Variants in CCDC191 observed in about 807,000 individuals in gnomAD.
CCDC191 encodes the protein coiled-coil domain containing 191.
Under a neutral mutation model 114.0 loss-of-function variants are expected in CCDC191, and 99 were observed. The ratio of observed to expected loss-of-function variants is 0.87; its 90% confidence interval spans 0.74 to 1.03. The LOEUF is 1.03. Among genes scored for constraint, CCDC191 ranks in the 50% least tolerant of loss-of-function variants. The pLI is 0.00. For missense variants in CCDC191, 973 were observed against 1,087.0 expected, an observed-to-expected ratio of 0.90 and a Z score of 1.47; for synonymous variants, 351 against 376.0, an observed-to-expected ratio of 0.93 and a Z score of 0.77.
chr3:114,055,831 A>G (rs1049079996), intron 1 of CCDC191, among the ~76,000 whole-genome samples: 1 of 152,190 alleles, frequency 6.6e-6, no homozygotes, highest in African/African-American at 2.4e-5. Context: ...GAGAGAATCT[A>G]TTTTTTGAAA....
intron 8 of CCDC191, 39 bp downstream of exon 8, chr3:114,018,632 TATCCTAG>T: frequency 6.9e-7 from 1 of 1,448,684 alleles, no homozygotes; most frequent in Non-Finnish European, 9.4e-7. Flanking sequence ...AGGAGGGAAA[TATCCTAG>T]ATAAACATAC....
At chr3:114,054,513 T>TG (rs1436211234) in intron 1 of CCDC191, among the ~76,000 whole-genome samples, 3 of 151,666 alleles carry the variant, frequency 2.0e-5, no homozygotes, top group African/African-American at 7.3e-5. Context: ...GGCGGGTGCC[T>TG]GTAGTCCCAG....
chr3:114,009,234 C>T (rs1339821100), intron 9 of CCDC191, among the ~76,000 whole-genome samples: 2 of 152,120 alleles, frequency 1.3e-5, no homozygotes, highest in Non-Finnish European at 2.9e-5. Flanking sequence ...TTAGGCCACA[C>T]TAAATTTATT....
intron 7 of CCDC191, among the ~76,000 whole-genome samples, chr3:114,022,120 A>C (rs2076252563): frequency 6.6e-6 from 1 of 152,150 alleles, no homozygotes; most frequent in Non-Finnish European, 1.5e-5. Context: ...TTAAAGTGAA[A>C]TGGTGTCCTC....
At chr3:114,020,227 T>G (rs2076224061) in intron 7 of CCDC191, among the ~76,000 whole-genome samples, 3 of 152,294 alleles carry the variant, frequency 2.0e-5, no homozygotes, top group Admixed American at 2.0e-4. Context: ...ACAAAATTGT[T>G]TGATATGACC....
intron 13 of CCDC191, among the ~76,000 whole-genome samples, chr3:113,983,698 G>A (rs573119262): frequency 5.3e-5 from 8 of 152,170 alleles, no homozygotes; most frequent in East Asian, 1.9e-4. Flanking sequence ...TAACATCTAC[G>A]TAAGTAAATG....
chr3:114,003,463 T>C (rs2075891749), intron 11 of CCDC191: 11 of 985,428 alleles, frequency 1.1e-5, no homozygotes, highest in Non-Finnish European at 1.3e-5. Context: ...AAATTGTCTC[T>C]AAGAAGGCAG....
Position 113,964,342 on chromosome 3 carries a change from A to T in CCDC191, c.*813T>A, listed in dbSNP as rs906681248. 2 of 152,214 alleles carry T rather than the reference A, an allele frequency of 1.3e-5. No homozygotes were observed. The highest frequency in any genetic ancestry group is 4.8e-5 in the African/African-American group (2 of 41,444). 9.4% of individuals were successfully genotyped at this position (152,214 alleles called of 1,614,324 possible). ...AATTCTCTAACACAATTCATAGAAGAGAGCATTTTATCAGTCTTTATAGCA... is the reference window on the plus strand; with the variant it reads ...AATTCTCTAACACAATTCATAGAAGTGAGCATTTTATCAGTCTTTATAGCA... On this transcript the variant is annotated 3_prime_UTR_variant, in exon 17 of 17. Coordinates refer to ENST00000295878, the MANE Select transcript of CCDC191 (RefSeq NM_020817.2).
chr3:113,969,995 CTA>C (rs1378740717), intron 16 of CCDC191, among the ~76,000 whole-genome samples: 1 of 152,076 alleles, frequency 6.6e-6, no homozygotes, highest in Admixed American at 6.5e-5. Context: ...GCATATCTTT[CTA>C]TATGTTTGTG....
chr3:113,992,466 C>T (rs2075599914), intron 13 of CCDC191, among the ~76,000 whole-genome samples: 1 of 152,084 alleles, frequency 6.6e-6, no homozygotes, highest in Non-Finnish European at 1.5e-5. Flanking sequence ...GCCACAGACC[C>T]TATAACCAAT....
At chr3:114,007,693 A>AGAGCAG (rs2075995404) in intron 9 of CCDC191, among the ~76,000 whole-genome samples, 1 of 152,188 alleles carries the variant, frequency 6.6e-6, no homozygotes, top group African/African-American at 2.4e-5. Flanking sequence ...AGTACTTAAT[A>AGAGCAG]GAGCAGGAGT....
intron 8 of CCDC191, among the ~76,000 whole-genome samples, chr3:114,017,330 G>A (rs1310871166): frequency 5.3e-5 from 8 of 152,032 alleles, no homozygotes; most frequent in Admixed American, 1.3e-4. Context: ...GCCTTTCCTG[G>A]CACTCTTTAG....
intron 13 of CCDC191, among the ~76,000 whole-genome samples, chr3:113,989,889 A>G (rs2075499265): frequency 6.6e-6 from 1 of 152,184 alleles, no homozygotes; most frequent in South Asian, 2.1e-4. Context: ...CAGGAGGCTG[A>G]GGTGAGAGGA....
intron 4 of CCDC191, among the ~76,000 whole-genome samples, chr3:114,039,797 C>G (rs1441812265): frequency 1.3e-5 from 2 of 151,608 alleles, no homozygotes; most frequent in African/African-American, 4.9e-5. Flanking sequence ...TTGTTTTGAC[C>G]TAAGTGTTAC....
intron 13 of CCDC191, among the ~76,000 whole-genome samples, chr3:113,996,203 G>C (rs1446134981): frequency 6.6e-6 from 1 of 152,116 alleles, no homozygotes; most frequent in African/African-American, 2.4e-5. Context: ...GTCCTGAATG[G>C]TATTGCCTAA....
Position 113,978,278 on chromosome 3 carries a change from T to C in CCDC191, c.2514A>G (p.Gln838=). 1 of 1,614,022 alleles carries C rather than the reference T, an allele frequency of 6.2e-7. No homozygotes were observed. The highest frequency in any genetic ancestry group is 8.5e-7 in the Non-Finnish European group (1 of 1,179,958). ...TAAACCAGGCCCTGAAAATCTTCTT[T>C]TGAAGAAAATGTACACAAAATTTTC... ...EVRKFCVHFL[Q]KKIFRAWFNM... The change falls in exon 16 of 17, where the codon CAA becomes CAG. Residue 838 remains glutamine (Q), a synonymous_variant. Coordinates refer to ENST00000295878, the MANE Select transcript of CCDC191 (RefSeq NM_020817.2).
In CCDC191 at chr3:113,998,071, C is replaced by G. The variant is rs1175053862; in HGVS notation, c.2163+3524G>C. 8.6e-5 allele frequency among the ~76,000 whole-genome samples: 13 copies of G among 151,546 alleles called. No homozygotes were observed. In the South Asian group the frequency reaches 2.5e-3, roughly 29 times the overall value. On this transcript the variant is annotated intron_variant, in intron 13 of 16. Transcript: ENST00000295878. ...CTATAATCCCAGCACTTTGGGAGGC[C>G]GAGGCAGGCGGATCACCTGAGTTCA...
chr3:114,004,262 A>G, intron 11 of CCDC191: 1 of 988,186 alleles, frequency 1.0e-6, no homozygotes. Flanking sequence ...GAACATTAAC[A>G]AAGTACAATG....
chr3:113,967,656 C>A (rs995553187), intron 16 of CCDC191, among the ~76,000 whole-genome samples: 1 of 152,104 alleles, frequency 6.6e-6, no homozygotes, highest in Non-Finnish European at 1.5e-5. Flanking sequence ...AAGTTATTCT[C>A]TTCTGGTTAT....
Sources: gnomAD v4.1 joint callset for allele counts (sites outside exome capture counted in the v4.1 genomes callset) on GRCh38, gnomAD v4.1.1 for gene constraint, MANE v1.5 for transcripts, NCBI Gene and HGNC (gene_info 2026-07-23, HGNC 2026-07-21) for gene names.